Variants in UBE2D3 observed in about 807,000 individuals in gnomAD.
UBE2D3 encodes ubiquitin-conjugating enzyme E2 D3.
In UBE2D3, 2 loss-of-function variants were observed where a neutral mutation model predicts 22.8. The observed-to-expected ratio is 0.09, with a 90% confidence interval of 0.04 to 0.28. UBE2D3 has a LOEUF of 0.28. UBE2D3 is among the 10% of genes least tolerant of loss of function. The probability of loss-of-function intolerance (pLI) is 1.00; values close to 1 mark genes in which losing one functional copy is unlikely to be tolerated. For synonymous variants in UBE2D3, 56 were observed against 60.4 expected, an observed-to-expected ratio of 0.93 and a Z score of 0.34; for missense variants, 27 against 182.5, an observed-to-expected ratio of 0.15 and a Z score of 4.91.
chr4:102,812,815 C>A (rs1728235691), intron 2 of UBE2D3: 1 of 152,164 alleles, frequency 6.6e-6, no homozygotes, highest in Admixed American at 6.5e-5. Context: ...GAGACTTTGT[C>A]CCATTTAACA....
chr4:102,802,481 AC>A, intron 5 of UBE2D3, 79 bp downstream of exon 5: 8 of 1,211,574 alleles, frequency 6.6e-6, no homozygotes, highest in Non-Finnish European at 9.4e-6. Flanking sequence ...CCTACACAGA[AC>A]CCTATCTTCC....
chr4:102,816,304 T>C (rs1287781271), intron 2 of UBE2D3, among the ~76,000 whole-genome samples: 4 of 152,236 alleles, frequency 2.6e-5, no homozygotes. Flanking sequence ...CAAAGGGACA[T>C]TCTTCCTTCT....
intron 1 of UBE2D3, among the ~76,000 whole-genome samples, chr4:102,841,855 A>G (rs1731771706): frequency 6.6e-6 from 1 of 152,170 alleles, no homozygotes; most frequent in African/African-American, 2.4e-5. Flanking sequence ...GTCCATTACT[A>G]TAAATTCATA....
At chr4:102,829,531 GT>G (rs1730993261), upstream of UBE2D3, among the ~76,000 whole-genome samples, 2 of 152,182 alleles carry the variant, frequency 1.3e-5, no homozygotes, top group South Asian at 4.1e-4. Flanking sequence ...TTCTCACAGG[GT>G]GATTGTGTGG....
At chr4:102,815,343 A>C (rs1463119356) in intron 2 of UBE2D3, among the ~76,000 whole-genome samples, 1 of 152,138 alleles carries the variant, frequency 6.6e-6, no homozygotes, top group Non-Finnish European at 1.5e-5. Flanking sequence ...CCTGGCCAGA[A>C]TAAATATTAA....
chr4:102,813,581 T>C (rs537910353), intron 2 of UBE2D3, among the ~76,000 whole-genome samples: 1 of 152,256 alleles, frequency 6.6e-6, no homozygotes, highest in South Asian at 2.1e-4. Context: ...AAAGTATATA[T>C]ACAAGTTGAG....
intron 1 of UBE2D3, among the ~76,000 whole-genome samples, chr4:102,834,038 T>C (rs755205098): frequency 2.0e-5 from 3 of 152,186 alleles, no homozygotes; most frequent in Non-Finnish European, 4.4e-5. Context: ...GGTTAAGAAA[T>C]CTGTACATTC....
chr4:102,850,223 A>T (rs570116211), intron 1 of UBE2D3, among the ~76,000 whole-genome samples: 77 of 152,356 alleles, frequency 5.1e-4, no homozygotes, highest in African/African-American at 1.8e-3. Context: ...AGAAATCAGA[A>T]GAGTGGTTAC....
chr4:102,801,408 G>T (rs759852398), intron 6 of UBE2D3, 46 bp downstream of exon 6: 1 of 1,493,126 alleles, frequency 6.7e-7, no homozygotes, highest in African/African-American at 1.4e-5. Context: ...TAAGAATGAA[G>T]CTTTATTAGA....
intron 6 of UBE2D3, 100 bp downstream of exon 6, chr4:102,801,354 T>C: frequency 9.8e-7 from 1 of 1,024,094 alleles, no homozygotes; most frequent in African/African-American, 1.7e-5. Context: ...TCCCCATCTC[T>C]TACCAAAAAG....
chr4:102,826,931 G>A (rs1419310656), intron 1 of UBE2D3: 19 of 1,011,086 alleles, frequency 1.9e-5, no homozygotes, highest in Admixed American at 5.9e-5. Flanking sequence ...CAGCAGAGGA[G>A]GAGCCGGGGC....
At chr4:102,843,280 CT>C (rs1024825891) in intron 1 of UBE2D3, 5 of 152,018 alleles carry the variant, frequency 3.3e-5, no homozygotes, top group African/African-American at 1.2e-4. Context: ...CCATATCTTC[CT>C]TAGCCATGAT....
intron 2 of UBE2D3, chr4:102,825,554 T>TA: frequency 9.2e-6 from 11 of 1,192,290 alleles, no homozygotes; most frequent in South Asian, 1.6e-5. Context: ...GGATAGAAGT[T>TA]AGAGCAAGAA....
intron 1 of UBE2D3, among the ~76,000 whole-genome samples, chr4:102,835,482 T>C (rs1038657418): frequency 6.6e-6 from 1 of 152,164 alleles, no homozygotes; most frequent in Non-Finnish European, 1.5e-5. Context: ...GATAAACATA[T>C]AAAGACAGGC....
chr4:102,817,596 A>T (rs1728956927), intron 2 of UBE2D3, among the ~76,000 whole-genome samples: 1 of 152,210 alleles, frequency 6.6e-6, no homozygotes. Context: ...AGATAATTTA[A>T]TGTTTGGCAA....
intron 4 of UBE2D3, among the ~76,000 whole-genome samples, chr4:102,806,615 T>C (rs1030999369): frequency 2.0e-5 from 3 of 152,196 alleles, no homozygotes; most frequent in African/African-American, 7.2e-5. Context: ...TGCCAAAGGT[T>C]ACATTTTTCA....
In UBE2D3 at chr4:102,809,731, T is replaced by C. The variant is rs1291704780; in HGVS notation, c.89-28A>G. The C allele has an allele frequency of 6.8e-6, 11 of 1,613,202 alleles. No individual in the cohort carries two copies. In the East Asian group the frequency reaches 2.0e-4, roughly 29 times the overall value. On this transcript the variant is annotated intron_variant, in intron 3 of 7. Coordinates refer to ENST00000453744, the MANE Select transcript of UBE2D3 (RefSeq NM_181891.3). The stretch of plus-strand genomic sequence containing the variant: ...AGAAAAAGAAAAAAAACTCTGGTTA[T>C]CTAAAAATGCACAAGCTTAAAAAAA...
intron 1 of UBE2D3, among the ~76,000 whole-genome samples, chr4:102,865,875 T>G (rs1733124325): frequency 6.6e-6 from 1 of 152,196 alleles, no homozygotes. Flanking sequence ...ATGACTCCTT[T>G]AACTGTATTT....
At chr4:102,838,023 G>A (rs1731513012) in intron 1 of UBE2D3, among the ~76,000 whole-genome samples, 1 of 152,064 alleles carries the variant, frequency 6.6e-6, no homozygotes, top group South Asian at 2.1e-4. Context: ...GGAGGCTGAG[G>A]TGGGAGGATT....
Sources: gnomAD v4.1 joint callset for allele counts (sites outside exome capture counted in the v4.1 genomes callset) on GRCh38, gnomAD v4.1.1 for gene constraint, MANE v1.5 for transcripts, NCBI Gene and HGNC (gene_info 2026-07-23, HGNC 2026-07-21) for gene names.